Variants in ENO4 observed in about 807,000 individuals in gnomAD.
ENO4 encodes the protein 2-phospho-D-glycerate hydro-lyase.
Under a neutral mutation model 63.2 loss-of-function variants are expected in ENO4, and 53 were observed. The observed-to-expected ratio is 0.84, with a 90% CI of 0.67 to 1.05. The LOEUF (loss-of-function observed/expected upper bound fraction) is 1.05, where lower values mean the gene tolerates loss of function less well. Among genes scored for constraint, ENO4 ranks in the 50% least tolerant of loss-of-function variants. The pLI, the probability that ENO4 is intolerant of heterozygous loss-of-function variation, is 0.00. For missense variants in ENO4, 719 were observed against 772.0 expected, an observed-to-expected ratio of 0.93 and a Z score of 0.81; for synonymous variants, 266 against 283.8, an observed-to-expected ratio of 0.94 and a Z score of 0.63.
downstream of ENO4, chr10:116,882,998 A>ATC (rs1337896333): frequency 2.0e-5 from 3 of 152,018 alleles, no homozygotes; most frequent in Non-Finnish European, 4.4e-5. Flanking sequence ...ACACACACAC[A>ATC]CATCATGAGA....
chr10:116,911,471 A>G (rs1258219539), intron 10 of ENO4: 5 of 1,549,780 alleles, frequency 3.2e-6, no homozygotes, highest in Non-Finnish European at 4.4e-6. Context: ...TTTTTCATCA[A>G]CATGTACGGA....
chr10:116,905,517 A>G (rs1345817289), intron 10 of ENO4, among the ~76,000 whole-genome samples: 2 of 152,304 alleles, frequency 1.3e-5, no homozygotes, highest in South Asian at 2.1e-4. Flanking sequence ...GAAAATTTTC[A>G]TCTTCTTATA....
At chr10:116,869,655 G>A (rs1051618658) in intron 8 of ENO4, among the ~76,000 whole-genome samples, 2 of 152,192 alleles carry the variant, frequency 1.3e-5, no homozygotes, top group African/African-American at 4.8e-5. Context: ...GGTGGAGATG[G>A]TAAACAAGCC....
intron 8 of ENO4, among the ~76,000 whole-genome samples, chr10:116,870,235 A>G (rs963611924): frequency 6.6e-6 from 1 of 152,186 alleles, no homozygotes; most frequent in African/African-American, 2.4e-5. Context: ...TCAATTTATA[A>G]TTGCATAGTG....
chr10:116,870,069 C>T (rs926940349), intron 8 of ENO4, among the ~76,000 whole-genome samples: 2 of 152,154 alleles, frequency 1.3e-5, no homozygotes, highest in African/African-American at 4.8e-5. Context: ...CCAACTATTG[C>T]TTTGTTTGCC....
At chr10:116,859,972 G>A (rs1846366508) in intron 4 of ENO4, among the ~76,000 whole-genome samples, 1 of 152,168 alleles carries the variant, frequency 6.6e-6, no homozygotes, top group Admixed American at 6.5e-5. Flanking sequence ...ATGGGAGGGT[G>A]GGATGGCCAC....
chr10:116,893,576 G>GTGCACACACACACACACACACA (rs1554905666), intron 10 of ENO4, among the ~76,000 whole-genome samples: 4 of 123,524 alleles, frequency 3.2e-5, no homozygotes, highest in African/African-American at 9.5e-5. Flanking sequence ...GCACTCATGT[G>GTGCACACACACACACACACACA]CACACACACA....
chr10:116,884,190 A>C (rs768779618), downstream of ENO4: 3 of 456,646 alleles, frequency 6.6e-6, no homozygotes, highest in African/African-American at 2.0e-5. Flanking sequence ...AATAGCTATG[A>C]ACATACCTTG....
At chr10:116,875,621 T>C (rs924957026) in intron 10 of ENO4, among the ~76,000 whole-genome samples, 4 of 149,964 alleles carry the variant, frequency 2.7e-5, no homozygotes, top group African/African-American at 1.0e-4. Flanking sequence ...AAAATAAGCA[T>C]TTCATTTCAT....
intron 10 of ENO4, among the ~76,000 whole-genome samples, chr10:116,906,168 T>C (rs1169900041): frequency 6.6e-6 from 1 of 152,276 alleles, no homozygotes; most frequent in East Asian, 1.9e-4. Flanking sequence ...ACTTAATCTT[T>C]AGAATTATCC....
intron 10 of ENO4, among the ~76,000 whole-genome samples, chr10:116,909,489 C>T (rs1451368745): frequency 6.6e-6 from 1 of 152,182 alleles, no homozygotes; most frequent in Non-Finnish European, 1.5e-5. Context: ...ACCACTGTCA[C>T]TTAGAGTGGC....
chr10:116,911,029 G>A (rs1848168949), intron 10 of ENO4, among the ~76,000 whole-genome samples: 1 of 152,204 alleles, frequency 6.6e-6, no homozygotes. Context: ...GGAGTATTCA[G>A]TCTTGTACCT....
intron 10 of ENO4, among the ~76,000 whole-genome samples, chr10:116,874,826 C>T (rs1846784277): frequency 6.6e-6 from 1 of 152,080 alleles, no homozygotes; most frequent in Non-Finnish European, 1.5e-5. Context: ...GCGTGCACCA[C>T]CACACCCAGC....
intron 12 of ENO4, 48 bp from the exon 13 acceptor site, chr10:116,879,821 G>A (rs1165682095): frequency 7.3e-7 from 1 of 1,374,372 alleles, no homozygotes; most frequent in South Asian, 1.3e-5. Context: ...TTGTCGTTTA[G>A]CAAGACATGG....
intron 10 of ENO4, chr10:116,911,403 A>T (rs946561863): frequency 6.7e-7 from 1 of 1,492,336 alleles, no homozygotes; most frequent in East Asian, 2.5e-5. Context: ...TTAGCTTCAC[A>T]TTTAGGATTC....
chr10:116,886,715 A>C, downstream of ENO4: 2 of 1,092,500 alleles, frequency 1.8e-6, no homozygotes, highest in Non-Finnish European at 2.6e-6. Flanking sequence ...CCAGCCATTT[A>C]AAAGAAAAAA....
intron 11 of ENO4, among the ~76,000 whole-genome samples, chr10:116,878,740 A>AAC (rs1396693466): frequency 6.3e-5 from 4 of 63,546 alleles, no homozygotes; most frequent in African/African-American, 1.8e-4. Flanking sequence ...CAAATCATAT[A>AAC]TCTTTTTTTT....
chr10:116,856,639 G>A lies in ENO4; in HGVS notation c.442G>A (p.Gly148Arg). The change falls in exon 3 of 14, where the codon GGG (glycine) becomes AGG (arginine). Residue 148 changes from glycine (G) to arginine (R), a missense_variant. Gly to Arg is a moderately radical substitution (Grantham distance 125). Around this residue, in one of 3 missense-constraint regions of ENO4, gnomAD observed 544 missense variants for 583.6 expected, o/e 0.93. Coordinates refer to ENST00000341276, the MANE Select transcript of ENO4 (RefSeq NM_001242699.2). ...VNSTITHELQ[G>R]MAPSDQAEVD... ...CAGCACCATCACGCACGAGCTCCAG[G>A]GGATGGCACCCTCTGACCAGGCAGA... The A allele has an allele frequency of 6.5e-7, 1 of 1,535,678 alleles. No homozygotes were observed.
Position 116,849,737 on chromosome 10 carries a change from G to T in ENO4, c.165+6G>T. On this transcript the variant is annotated splice_donor_region_variant and intron_variant, in intron 1 of 13. Coordinates refer to ENST00000341276, the MANE Select transcript of ENO4 (RefSeq NM_001242699.2). ...CCGACGTCTACGGGCACCTGGTAGG[G>T]ACCTGGGACAAGCGCTCTCCTCCCG... 6.6e-7 allele frequency: 1 copy of T among 1,504,468 alleles called. No homozygotes were observed. Among genetic ancestry groups the T allele is most frequent in the South Asian group, 1.3e-5 (1 of 77,204 alleles). 93.2% of individuals were successfully genotyped at this position (1,504,468 alleles called of 1,614,324 possible).
Sources: allele counts gnomAD v4.1 joint callset (sites outside exome capture counted in the v4.1 genomes callset), GRCh38; gene constraint gnomAD v4.1.1; regional missense constraint gnomAD v4.1.1; transcripts MANE v1.5; gene names NCBI Gene and HGNC (gene_info 2026-07-23, HGNC 2026-07-21).